Variants in PIWIL2 observed in about 807,000 individuals in gnomAD.
PIWIL2 encodes piwi-like protein 2.
In PIWIL2, 81 loss-of-function variants were observed where a neutral mutation model predicts 116.5. The observed-to-expected ratio is 0.70, with a 90% CI of 0.58 to 0.84. PIWIL2 has a LOEUF of 0.84. PIWIL2 is among the 40% of genes least tolerant of loss of function. The pLI is 0.00. For synonymous variants in PIWIL2, 489 were observed against 429.5 expected, an observed-to-expected ratio of 1.14 and a Z score of -1.71; for missense variants, 1,272 against 1,212.3, an observed-to-expected ratio of 1.05 and a Z score of -0.73.
rs142031010 is a variant in PIWIL2 at position 22,315,079 on chromosome 8, C to G, written c.2142C>G (p.Ala714=). The G allele has an allele frequency of 5.5e-5, 88 of 1,613,574 alleles. No homozygotes were observed. The highest frequency in any genetic ancestry group is 6.6e-5 in the Non-Finnish European group (78 of 1,179,732). ...AGCCCACCAGGCTTCGGAGTGTGGC[C>G]CAGAAGATTTTACTTCAGATTAACT... ...IGQPTRLRSV[A]QKILLQINCK... is the part of the protein sequence containing the mutation. Residue 714 remains alanine (A), a synonymous_variant, in exon 18 of 23, where the codon GCC becomes GCG. Coordinates refer to ENST00000356766, the MANE Select transcript of PIWIL2 (RefSeq NM_018068.5).
Position 22,314,373 on chromosome 8 carries a change from G to A in PIWIL2, c.2035G>A (p.Asp679Asn), listed in dbSNP as rs755046366. The change falls in exon 17 of 23, where the codon GAT becomes AAT. Residue 679 changes from aspartate (D) to asparagine (N), a missense_variant. Coordinates refer to ENST00000356766, the MANE Select transcript of PIWIL2 (RefSeq NM_018068.5). ...VVCIIMGPRD[D>N]LYGAIKKLCC... is the part of the protein sequence containing the mutation. ...TTGCATCATCATGGGCCCACGTGAT[G>A]ATCTCTATGGGGCCATCAAGAAGCT... 1 of 1,584,716 alleles carries A rather than the reference G, an allele frequency of 6.3e-7. No individual in the cohort carries two copies. The highest frequency in any genetic ancestry group is 8.6e-7 in the Non-Finnish European group (1 of 1,163,498).
chr8:22,294,664 A>G (rs1007464937), intron 10 of PIWIL2, among the ~76,000 whole-genome samples: 4 of 150,334 alleles, frequency 2.7e-5, no homozygotes, highest in Non-Finnish European at 5.9e-5. Context: ...AAAAAAAAAA[A>G]AAAAGAAAAA....
chr8:22,305,213 G>T (rs200166116), intron 12 of PIWIL2, among the ~76,000 whole-genome samples: 1 of 76,346 alleles, frequency 1.3e-5, no homozygotes. Context: ...TTATTTATTT[G>T]ACGGAGTCTG....
At chr8:22,291,892 C>T (rs900822458) in intron 10 of PIWIL2, among the ~76,000 whole-genome samples, 9 of 151,824 alleles carry the variant, frequency 5.9e-5, no homozygotes, top group East Asian at 1.9e-4. Context: ...GTAATAAAAG[C>T]GATAAGAGCC....
rs753777116 is a variant in PIWIL2, at chr8:22,335,664, C to T, written c.2404-17295C>T. On this transcript the variant is annotated intron_variant, in intron 20 of 22. Transcript: ENST00000356766. ...CTGGGTTCAAGTAATTCTGCTGCCT[C>T]GGCCTCCCGAATAGCTGGGATTACA... 7.3e-5 allele frequency among the ~76,000 whole-genome samples: 11 copies of T among 151,214 alleles called. No individual in the cohort carries two copies. The Middle Eastern group carries it at 0.01, about 141-fold the overall frequency.
At chr8:22,311,710 T>C (rs952819219) in intron 16 of PIWIL2, among the ~76,000 whole-genome samples, 3 of 152,208 alleles carry the variant, frequency 2.0e-5, no homozygotes, top group Non-Finnish European at 4.4e-5. Context: ...GGCCCATTGA[T>C]TGGGTCCTGA....
At chr8:22,350,103 A>C (rs1832321299) in intron 20 of PIWIL2, among the ~76,000 whole-genome samples, 1 of 152,218 alleles carries the variant, frequency 6.6e-6, no homozygotes, top group Non-Finnish European at 1.5e-5. Flanking sequence ...TCTGCAGTGC[A>C]CAGGACAGCC....
At chr8:22,320,543 C>G (rs748125283) in intron 20 of PIWIL2, among the ~76,000 whole-genome samples, 1 of 151,862 alleles carries the variant, frequency 6.6e-6, no homozygotes, top group African/African-American at 2.4e-5. Context: ...TCTCAAAGTG[C>G]TGAGATTATA....
chr8:22,345,412 G>A (rs1022884153), intron 20 of PIWIL2, among the ~76,000 whole-genome samples: 4 of 152,188 alleles, frequency 2.6e-5, no homozygotes, highest in African/African-American at 7.2e-5. Flanking sequence ...TATAATCCCA[G>A]CACTTTGGGA....
intron 15 of PIWIL2, among the ~76,000 whole-genome samples, chr8:22,310,496 T>C (rs1468963343): frequency 6.6e-6 from 1 of 152,228 alleles, no homozygotes; most frequent in African/African-American, 2.4e-5. Context: ...TACTTCTCAG[T>C]GTTTTTGACC....
intron 14 of PIWIL2, among the ~76,000 whole-genome samples, chr8:22,308,635 A>T (rs1831247518): frequency 6.6e-6 from 1 of 152,170 alleles, no homozygotes; most frequent in East Asian, 1.9e-4. Context: ...CCTGGGAGAC[A>T]GAGGGAGAAT....
chr8:22,287,119 C>T (rs1357084217), intron 6 of PIWIL2, among the ~76,000 whole-genome samples: 1 of 151,948 alleles, frequency 6.6e-6, no homozygotes, highest in East Asian at 1.9e-4. Context: ...AAGTCTTCCT[C>T]TTAAAATGGA....
chr8:22,295,373 T>TA (rs987221242), intron 10 of PIWIL2, among the ~76,000 whole-genome samples: 3 of 152,146 alleles, frequency 2.0e-5, no homozygotes, highest in African/African-American at 7.2e-5. Flanking sequence ...TATATGTACT[T>TA]ACCACTAATT....
chr8:22,291,365 C>T (rs546511535), intron 10 of PIWIL2, among the ~76,000 whole-genome samples: 117 of 151,924 alleles, frequency 7.7e-4, no homozygotes, highest in Non-Finnish European at 1.4e-3. Context: ...TTCCCAGGCT[C>T]GTCTTGAACT....
chr8:22,341,670 A>G (rs549524399), intron 20 of PIWIL2, among the ~76,000 whole-genome samples: 92 of 152,084 alleles, frequency 6.0e-4, no homozygotes, highest in African/African-American at 2.1e-3. Flanking sequence ...TTTAAAATCT[A>G]CAAAAAAGCT....
chr8:22,284,024 C>T (rs1438632919), intron 5 of PIWIL2, 138 bp from the exon 6 acceptor site: 6 of 533,374 alleles, frequency 1.1e-5, no homozygotes, highest in Admixed American at 1.1e-4. Context: ...AGTGTTGCCT[C>T]TTGATATGTG....
intron 20 of PIWIL2, among the ~76,000 whole-genome samples, chr8:22,321,540 C>T (rs1359608577): frequency 6.6e-6 from 1 of 151,996 alleles, no homozygotes; most frequent in Non-Finnish European, 1.5e-5. Flanking sequence ...AAATGAAGAC[C>T]TCATCTCTAC....
chr8:22,279,646 G>C, intron 2 of PIWIL2, 62 bp downstream of exon 2: 5 of 1,488,334 alleles, frequency 3.4e-6, no homozygotes, highest in Non-Finnish European at 4.7e-6. Context: ...GTCAGAGGAA[G>C]TAATGGATTT....
At chr8:22,279,197 A>G (rs945099595) in intron 1 of PIWIL2, 144 bp from the exon 2 acceptor site, 8 of 586,136 alleles carry the variant, frequency 1.4e-5, no homozygotes, top group Non-Finnish European at 2.1e-5. Context: ...TTACAGATCA[A>G]ATAGAAGCCT....
Sources: gnomAD v4.1 joint callset for allele counts (sites outside exome capture counted in the v4.1 genomes callset) on GRCh38, gnomAD v4.1.1 for gene constraint, MANE v1.5 for transcripts, NCBI Gene and HGNC (gene_info 2026-07-23, HGNC 2026-07-21) for gene names.